ANO1: variants seen among roughly 807,000 people sequenced by gnomAD.
The protein encoded by ANO1 is anoctamin-1.
ANO1 carries 59 observed loss-of-function variants against 124.0 expected under a neutral mutation model. The ratio of observed to expected loss-of-function variants is 0.48; its 90% CI spans 0.39 to 0.59. The LOEUF is 0.59. ANO1 is among the 20% of genes least tolerant of loss of function. ANO1 has a pLI of 0.00. For synonymous variants in ANO1, 529 were observed against 532.0 expected, an observed-to-expected ratio of 0.99 and a Z score of 0.08; for missense variants, 1,059 against 1,328.0, an observed-to-expected ratio of 0.80 and a Z score of 3.15.
intron 11 of ANO1, among the ~76,000 whole-genome samples, chr11:70,133,003 G>T (rs1036307526): frequency 2.0e-5 from 3 of 152,190 alleles, no homozygotes; most frequent in Non-Finnish European, 4.4e-5. Flanking sequence ...ACATGGGTGT[G>T]GGGGAGGCAG....
At chr11:70,108,110 G>A (rs886693753) in intron 5 of ANO1, 15 of 464,280 alleles carry the variant, frequency 3.2e-5, no homozygotes, top group African/African-American at 5.7e-5. Flanking sequence ...GTTGGGAGGT[G>A]AAAGATGGGA....
At position 70,010,621 on chromosome 11, in the gene ANO1, G is replaced by T. The variant is rs543947445; in HGVS notation, c.58+24455G>T. Among the ~76,000 whole-genome samples the T allele has an allele frequency of 1.6e-4, 24 of 152,260 alleles. No homozygotes were observed. In the East Asian group the frequency reaches 4.3e-3, roughly 27 times the overall value. On this transcript the variant is annotated intron_variant, in intron 1 of 27. Transcript: ENST00000531349. The stretch of plus-strand genomic sequence containing the variant: ...AGGAAGCTGCACAAAGACAGGGGCT[G>T]CAGAGAGGCCTGGGGCATCATGGGA...
chr11:69,997,541 C>T (rs904919853), intron 1 of ANO1, among the ~76,000 whole-genome samples: 10 of 152,126 alleles, frequency 6.6e-5, no homozygotes, highest in African/African-American at 9.7e-5. Context: ...ACTCTCCCCC[C>T]GTCCCAACGG....
intron 20 of ANO1, among the ~76,000 whole-genome samples, 155 bp from the exon 21 acceptor site, chr11:70,167,087 C>T (rs2048283186): frequency 6.6e-6 from 1 of 152,140 alleles, no homozygotes; most frequent in Non-Finnish European, 1.5e-5. Flanking sequence ...GCAGAGGTTG[C>T]AGTGAGCTGA....
At chr11:70,170,035 C>T (rs565199824) in intron 21 of ANO1, 47 of 398,966 alleles carry the variant, frequency 1.2e-4, no homozygotes, top group African/African-American at 7.6e-4. Context: ...AGGCAGCTCC[C>T]GGGTGGGATG....
intron 1 of ANO1, among the ~76,000 whole-genome samples, chr11:70,047,114 A>T (rs554568880): frequency 6.6e-6 from 1 of 151,618 alleles, no homozygotes; most frequent in Non-Finnish European, 1.5e-5. Flanking sequence ...GAAAGAAAGA[A>T]AAAGGACATT....
chr11:70,166,510 G>A (rs1040267138), intron 20 of ANO1, among the ~76,000 whole-genome samples: 4 of 152,100 alleles, frequency 2.6e-5, no homozygotes, highest in African/African-American at 4.8e-5. Flanking sequence ...TGGCCTCGTT[G>A]TTACCTTGTA....
intron 21 of ANO1, among the ~76,000 whole-genome samples, chr11:70,168,627 C>T (rs1383494260): frequency 1.3e-5 from 2 of 151,960 alleles, no homozygotes; most frequent in East Asian, 3.9e-4. Context: ...AGGAAGACTC[C>T]TGCAGAGGGG....
chr11:70,003,562 C>G (rs1554999636), intron 1 of ANO1, among the ~76,000 whole-genome samples: 1 of 143,718 alleles, frequency 7.0e-6, no homozygotes, highest in Non-Finnish European at 1.5e-5. Context: ...TAGCACAGAG[C>G]TGGGGCTTAA....
At chr11:70,041,007 G>A (rs1555004992) in intron 1 of ANO1, among the ~76,000 whole-genome samples, 3 of 152,192 alleles carry the variant, frequency 2.0e-5, no homozygotes. Flanking sequence ...GGACCTGATG[G>A]ACAGGGTTCA....
At chr11:70,029,840 C>T (rs2135026129) in intron 1 of ANO1, among the ~76,000 whole-genome samples, 1 of 152,322 alleles carries the variant, frequency 6.6e-6, no homozygotes, top group Non-Finnish European at 1.5e-5. Context: ...TGAGCTGCAT[C>T]ACTCCAGCCT....
chr11:70,104,205 C>T (rs1015951375), intron 4 of ANO1, 55 bp downstream of exon 4: 6 of 1,533,372 alleles, frequency 3.9e-6, no homozygotes, highest in South Asian at 3.6e-5. Flanking sequence ...GGGGATTTAA[C>T]CTTCTAGCAT....
At chr11:70,097,106 T>C (rs2045014738) in intron 2 of ANO1, among the ~76,000 whole-genome samples, 2 of 152,242 alleles carry the variant, frequency 1.3e-5, no homozygotes, top group South Asian at 4.2e-4. Flanking sequence ...GAATGTGAAA[T>C]GATATTTCTG....
intron 13 of ANO1, 127 bp downstream of exon 13, chr11:70,152,588 G>GAA: frequency 8.9e-7 from 1 of 1,121,400 alleles, no homozygotes; most frequent in Non-Finnish European, 1.3e-6. Flanking sequence ...TGGGGTCTCT[G>GAA]CTTTCTCCCC....
At chr11:69,993,079 C>T (rs1276239504) in intron 1 of ANO1, among the ~76,000 whole-genome samples, 1 of 152,144 alleles carries the variant, frequency 6.6e-6, no homozygotes, top group Admixed American at 6.5e-5. Context: ...GGCTCTGGGT[C>T]CCCACATGCA....
chr11:70,180,294 T>G (rs1325311242), intron 23 of ANO1, among the ~76,000 whole-genome samples: 2 of 151,772 alleles, frequency 1.3e-5, no homozygotes, highest in Non-Finnish European at 2.9e-5. Context: ...TTTTTTTGAA[T>G]CTGAGTTTCA....
chr11:70,116,344 C>G, intron 7 of ANO1, 114 bp from the exon 8 acceptor site: 2 of 1,109,452 alleles, frequency 1.8e-6, no homozygotes, highest in Admixed American at 4.2e-5. Context: ...CCAGGATGAT[C>G]TTAATTTGTG....
At chr11:70,024,406 G>A (rs1351910706) in intron 1 of ANO1, among the ~76,000 whole-genome samples, 1 of 152,190 alleles carries the variant, frequency 6.6e-6, no homozygotes, top group Non-Finnish European at 1.5e-5. Flanking sequence ...ACAAGGGAGG[G>A]AGTGAGTGCC....
At chr11:70,143,666 A>G (rs1275299448) in intron 11 of ANO1, among the ~76,000 whole-genome samples, 1 of 152,152 alleles carries the variant, frequency 6.6e-6, no homozygotes, top group Non-Finnish European at 1.5e-5. Flanking sequence ...CCAGACCCAC[A>G]CTGAGAAATC....
Sources: gnomAD v4.1 joint callset for allele counts (sites outside exome capture counted in the v4.1 genomes callset) on GRCh38, gnomAD v4.1.1 for gene constraint, MANE v1.5 for transcripts, NCBI Gene and HGNC (gene_info 2026-07-23, HGNC 2026-07-21) for gene names.